The following WDR59 variants were observed in gnomAD, a reference collection of about 807,000 sequenced individuals.
WDR59 encodes GATOR2 complex protein WDR59.
WDR59 carries 100 observed loss-of-function variants against 131.2 expected under a neutral mutation model. That is an observed-to-expected ratio of 0.76 (90% CI 0.65 to 0.90). The LOEUF (loss-of-function observed/expected upper bound fraction) is 0.90, where lower values mean the gene tolerates loss of function less well. WDR59 is among the 40% of genes least tolerant of loss of function. The pLI, the probability that WDR59 is intolerant of heterozygous loss-of-function variation, is 0.00. For missense variants in WDR59, 1,203 were observed against 1,262.2 expected (o/e 0.95, Z 0.71); for synonymous variants, 601 against 466.2 (o/e 1.29, Z -3.72).
At position 74,897,586 on chromosome 16, in the gene WDR59, C is replaced by T. The variant is rs904937375; in HGVS notation, c.1867-3774G>A. Among the ~76,000 whole-genome samples the T allele has an allele frequency of 3.3e-4, 50 of 152,218 alleles. 1 individual carries two copies. The highest frequency in any genetic ancestry group is 2.9e-3 in the Admixed American group (45 of 15,286). ...GGCTTCTAGGTCCTTCTGTTTGATC[C>T]GTATTGGATGGATAAGAGGTGCTTT... On this transcript the variant is annotated intron_variant, in intron 18 of 25. Transcript: ENST00000262144.
At chr16:74,953,431 C>T (rs1373751280) in intron 3 of WDR59, among the ~76,000 whole-genome samples, 1 of 150,446 alleles carries the variant, frequency 6.6e-6, no homozygotes, top group Admixed American at 6.6e-5. Flanking sequence ...TGAGATGGCG[C>T]CACTGCACTC....
chr16:74,933,605 G>C (rs1033721094), intron 8 of WDR59, among the ~76,000 whole-genome samples: 4 of 151,968 alleles, frequency 2.6e-5, no homozygotes, highest in African/African-American at 4.8e-5. Flanking sequence ...TATTTATTGA[G>C]ATGGAGTTTA....
intron 20 of WDR59, among the ~76,000 whole-genome samples, chr16:74,891,484 G>A (rs1965042108): frequency 6.6e-6 from 1 of 152,192 alleles, no homozygotes; most frequent in Non-Finnish European, 1.5e-5. Context: ...GAGATAAGAT[G>A]TTTACTACCC....
In WDR59 at chr16:74,881,091, G is replaced by T. The variant is rs753620589; in HGVS notation, c.2689+4562C>A. Among the ~76,000 whole-genome samples the T allele has an allele frequency of 8.5e-5, 13 of 152,248 alleles. No individual in the cohort carries two copies. The South Asian group carries it at 1.9e-3, about 22-fold the overall frequency. ...AAGACCAAGCGCATCATATACCACAGTCAGAAACAAAAACAACAAAAAATC... is the reference window on the plus strand; with the variant it reads ...AAGACCAAGCGCATCATATACCACATTCAGAAACAAAAACAACAAAAAATC... On this transcript the variant is annotated intron_variant, in intron 25 of 25. Coordinates refer to ENST00000262144, the MANE Select transcript of WDR59 (RefSeq NM_030581.4).
At chr16:74,925,631 A>AG (rs1198736416) in intron 8 of WDR59, among the ~76,000 whole-genome samples, 1 of 152,096 alleles carries the variant, frequency 6.6e-6, no homozygotes, top group Non-Finnish European at 1.5e-5. Context: ...GGGGTAGGAA[A>AG]GGGTATGAGT....
At chr16:74,971,954 C>T (rs2034001083) in intron 1 of WDR59, among the ~76,000 whole-genome samples, 1 of 152,102 alleles carries the variant, frequency 6.6e-6, no homozygotes, top group African/African-American at 2.4e-5. Context: ...AGCAATCTTC[C>T]TGCCTCAGCC....
chr16:74,910,431 T>C (rs1378659770), intron 14 of WDR59, among the ~76,000 whole-genome samples: 1 of 152,192 alleles, frequency 6.6e-6, no homozygotes, highest in Admixed American at 6.5e-5. Flanking sequence ...AGCTCTTTCC[T>C]TAATCAAGGC....
intron 20 of WDR59, among the ~76,000 whole-genome samples, chr16:74,890,258 C>CTCCT: frequency 6.6e-6 from 1 of 152,198 alleles, no homozygotes; most frequent in South Asian, 2.1e-4. Flanking sequence ...TCAAGCCATC[C>CTCCT]TCCTGCCTCA....
At chr16:74,906,669 T>C (rs535728872) in intron 17 of WDR59, among the ~76,000 whole-genome samples, 9 of 152,316 alleles carry the variant, frequency 5.9e-5, no homozygotes, top group African/African-American at 1.7e-4. Context: ...ATTCATACAA[T>C]GGACCTGCTG....
At chr16:74,971,937 G>A (rs2034000718) in intron 1 of WDR59, among the ~76,000 whole-genome samples, 1 of 152,040 alleles carries the variant, frequency 6.6e-6, no homozygotes, top group Non-Finnish European at 1.5e-5. Flanking sequence ...TTGAACTCCT[G>A]GGTTCAAGCA....
intron 11 of WDR59, among the ~76,000 whole-genome samples, chr16:74,917,120 A>G (rs1383804027): frequency 6.6e-6 from 1 of 152,178 alleles, no homozygotes; most frequent in East Asian, 1.9e-4. Flanking sequence ...TGAGGAGAGG[A>G]CAGAACCCTG....
At chr16:74,896,204 T>C (rs1437226145) in intron 18 of WDR59, among the ~76,000 whole-genome samples, 1 of 152,254 alleles carries the variant, frequency 6.6e-6, no homozygotes, top group Non-Finnish European at 1.5e-5. Flanking sequence ...GCAGTCACTC[T>C]GGTTCTTTAT....
At chr16:74,903,796 G>A in intron 18 of WDR59, 151 bp downstream of exon 18, 1 of 1,048,002 alleles carries the variant, frequency 9.5e-7, no homozygotes, top group African/African-American at 1.6e-5. Flanking sequence ...CCAACTGAAA[G>A]GAACAAAGTA....
At chr16:74,977,961 A>C (rs1456878747) in intron 1 of WDR59, among the ~76,000 whole-genome samples, 1 of 152,148 alleles carries the variant, frequency 6.6e-6, no homozygotes, top group Non-Finnish European at 1.5e-5. Flanking sequence ...TAATCCCAAA[A>C]CTTTGGGAGG....
chr16:74,959,791 C>T (rs560323340), intron 2 of WDR59, among the ~76,000 whole-genome samples: 1 of 148,152 alleles, frequency 6.7e-6, no homozygotes, highest in East Asian at 2.0e-4. Context: ...AAAGAAAAAA[C>T]TCCTCCCTTG....
chr16:74,907,065 C>T (rs571510379), intron 17 of WDR59, among the ~76,000 whole-genome samples: 1 of 152,306 alleles, frequency 6.6e-6, no homozygotes, highest in South Asian at 2.1e-4. Context: ...CTGTTTTCTA[C>T]TCCAATAAGG....
At chr16:74,952,100 G>C (rs544548532) in intron 3 of WDR59, among the ~76,000 whole-genome samples, 1 of 151,814 alleles carries the variant, frequency 6.6e-6, no homozygotes, top group Non-Finnish European at 1.5e-5. Context: ...AAGGTGTGAG[G>C]TGTGAGGACT....
At position 74,952,763 on chromosome 16, in the gene WDR59, T is replaced by G. The variant is rs185343616; in HGVS notation, c.241-1220A>C. Reference sequence around the variant, plus strand: ...AACGGCAGGCTACTTAATAATTTTTTAAATTATATATATATATATATACAC... The same window carrying G: ...AACGGCAGGCTACTTAATAATTTTTGAAATTATATATATATATATATACAC... On this transcript the variant is annotated intron_variant, in intron 3 of 25. Coordinates refer to ENST00000262144, the MANE Select transcript of WDR59 (RefSeq NM_030581.4). 2.3e-3 allele frequency among the ~76,000 whole-genome samples: 348 copies of G among 150,126 alleles called. 2 individuals carry two copies. Among genetic ancestry groups the G allele is most frequent in the Non-Finnish European group, 3.4e-3 (232 of 67,470 alleles).
Position 74,873,723 on chromosome 16 carries a change from C to T in WDR59, c.*486G>A, listed in dbSNP as rs1964067183. On this transcript the variant is annotated 3_prime_UTR_variant, in exon 26 of 26. Coordinates refer to ENST00000262144, the MANE Select transcript of WDR59 (RefSeq NM_030581.4). ...ATTTAAGTGTCATATTTTAGAAGGC[C>T]ACTGTCCATCAGCTCAGTAAATGTA... The T allele has an allele frequency of 6.5e-6, 1 of 154,120 alleles. No individual in the cohort carries two copies. Among genetic ancestry groups the T allele is most frequent in the African/African-American group, 2.4e-5 (1 of 41,394 alleles). 9.5% of individuals were successfully genotyped at this position (154,120 alleles called of 1,614,324 possible).
Sources: gnomAD v4.1 joint callset for allele counts (sites outside exome capture counted in the v4.1 genomes callset) on GRCh38, gnomAD v4.1.1 for gene constraint, MANE v1.5 for transcripts, NCBI Gene and HGNC (gene_info 2026-07-23, HGNC 2026-07-21) for gene names.